Variants in HS6ST3 observed in about 807,000 individuals in gnomAD.
The protein encoded by HS6ST3 is heparan sulfate 6-O-sulfotransferase 3.
A neutral mutation model predicts 36.7 loss-of-function variants in HS6ST3; 12 were observed. That is an observed-to-expected ratio of 0.33 (90% CI 0.21 to 0.53). The LOEUF (loss-of-function observed/expected upper bound fraction) is 0.53. HS6ST3 is among the 20% of genes least tolerant of loss of function. The pLI is 0.95. For missense variants in HS6ST3, 584 were observed against 640.9 expected, an observed-to-expected ratio of 0.91 and a Z score of 0.96; for synonymous variants, 240 against 257.5, an observed-to-expected ratio of 0.93 and a Z score of 0.65.
intron 1 of HS6ST3, among the ~76,000 whole-genome samples, chr13:96,413,973 A>T (rs1333175335): frequency 3.9e-5 from 6 of 152,234 alleles, no homozygotes; most frequent in African/African-American, 1.2e-4. Flanking sequence ...TGTTAAACAC[A>T]AGCAACAAAG....
Position 96,315,125 on chromosome 13 carries a change from G to A in HS6ST3, c.707+223556G>A, listed in dbSNP as rs181443510. Among the ~76,000 whole-genome samples, 161 of 152,272 alleles carry A rather than the reference G, an allele frequency of 1.1e-3. 1 individual carries two copies. The highest frequency in any genetic ancestry group is 1.8e-3 in the Admixed American group (28 of 15,294). On this transcript the variant is annotated intron_variant, in intron 1 of 1. Coordinates refer to ENST00000376705, the MANE Select transcript of HS6ST3 (RefSeq NM_153456.4). ...TTTCTTCATGCTGAATATATCAGCT[G>A]TAGAGGAGAAAATCAGTGACTCATA...
intron 1 of HS6ST3, among the ~76,000 whole-genome samples, chr13:96,511,970 T>C (rs1823644816): frequency 6.6e-6 from 1 of 152,204 alleles, no homozygotes; most frequent in South Asian, 2.1e-4. Flanking sequence ...AGACTAATAT[T>C]TCTCAGTTGG....
intron 1 of HS6ST3, among the ~76,000 whole-genome samples, chr13:96,191,088 A>G (rs752623676): frequency 2.6e-5 from 4 of 152,108 alleles, no homozygotes; most frequent in African/African-American, 4.8e-5. Flanking sequence ...TCTTATGTCT[A>G]ATTAATCTGT....
At chr13:96,264,697 A>C (rs1469987612) in intron 1 of HS6ST3, among the ~76,000 whole-genome samples, 5 of 152,162 alleles carry the variant, frequency 3.3e-5, no homozygotes, top group Non-Finnish European at 7.3e-5. Context: ...CAGGGAAGTG[A>C]ACTCTGGGGA....
At chr13:96,737,631 C>CAAAAA (rs5805990) in intron 1 of HS6ST3, among the ~76,000 whole-genome samples, 2 of 65,756 alleles carry the variant, frequency 3.0e-5, no homozygotes, top group Non-Finnish European at 5.7e-5. Flanking sequence ...GACTCCGTCT[C>CAAAAA]AAAAAAAAAA....
At chr13:96,196,474 G>A (rs2054314463) in intron 1 of HS6ST3, among the ~76,000 whole-genome samples, 3 of 152,274 alleles carry the variant, frequency 2.0e-5, no homozygotes, top group Non-Finnish European at 4.4e-5. Context: ...CCCCACAACA[G>A]CCCTATACCG....
At chr13:96,129,067 C>T (rs2139310544) in intron 1 of HS6ST3, among the ~76,000 whole-genome samples, 1 of 152,210 alleles carries the variant, frequency 6.6e-6, no homozygotes, top group Non-Finnish European at 1.5e-5. Context: ...GCCTCATCTC[C>T]AACTCCTGAC....
intron 1 of HS6ST3, among the ~76,000 whole-genome samples, chr13:96,582,791 C>T (rs1396738440): frequency 6.6e-6 from 1 of 152,160 alleles, no homozygotes; most frequent in Non-Finnish European, 1.5e-5. Flanking sequence ...CCTCTATTTA[C>T]ATATGCATAT....
At chr13:96,328,708 G>T (rs1259025406) in intron 1 of HS6ST3, among the ~76,000 whole-genome samples, 1 of 152,116 alleles carries the variant, frequency 6.6e-6, no homozygotes, top group South Asian at 2.1e-4. Flanking sequence ...AATGAGTTAG[G>T]GAGGATTCCC....
chr13:96,318,138 G>C (rs1039228269), intron 1 of HS6ST3, among the ~76,000 whole-genome samples: 1 of 152,170 alleles, frequency 6.6e-6, no homozygotes, highest in Admixed American at 6.5e-5. Flanking sequence ...CTGATGTTAA[G>C]AAGGGTATTT....
intron 1 of HS6ST3, among the ~76,000 whole-genome samples, chr13:96,816,087 T>C (rs1878417212): frequency 6.6e-6 from 1 of 152,200 alleles, no homozygotes; most frequent in Non-Finnish European, 1.5e-5. Flanking sequence ...AGGCCTCACA[T>C]ATCCTGATGG....
chr13:96,515,061 T>C (rs1249776157), intron 1 of HS6ST3, among the ~76,000 whole-genome samples: 2 of 152,240 alleles, frequency 1.3e-5, no homozygotes, highest in African/African-American at 4.8e-5. Flanking sequence ...GATCTATCTC[T>C]ATGTGCACCT....
At chr13:96,382,858 A>G (rs1480164776) in intron 1 of HS6ST3, among the ~76,000 whole-genome samples, 1 of 152,196 alleles carries the variant, frequency 6.6e-6, no homozygotes, top group Non-Finnish European at 1.5e-5. Context: ...TCTAAGCCTA[A>G]CTTATAATTT....
chr13:96,460,171 A>G (rs1479797940), intron 1 of HS6ST3, among the ~76,000 whole-genome samples: 1 of 151,982 alleles, frequency 6.6e-6, no homozygotes, highest in Non-Finnish European at 1.5e-5. Context: ...GAATTGAACC[A>G]TTTTTCTATG....
chr13:96,105,512 A>G (rs1394400191), intron 1 of HS6ST3, among the ~76,000 whole-genome samples: 1 of 152,010 alleles, frequency 6.6e-6, no homozygotes, highest in Non-Finnish European at 1.5e-5. Context: ...TTATCCAGGC[A>G]TGGTGGTGGG....
In HS6ST3 at chr13:96,838,084, A is replaced by T. The variant is rs1458800943; in HGVS notation, c.*4886A>T. ...TCTATCTGAGGTCCTGTATAGTGGG[A>T]TCATTTAGAGATGGGGGTTAGGGAG... is the stretch of plus-strand genomic sequence containing the variant. On this transcript the variant is annotated 3_prime_UTR_variant, in exon 2 of 2. Coordinates refer to ENST00000376705, the MANE Select transcript of HS6ST3 (RefSeq NM_153456.4). 6.6e-6 allele frequency: 1 copy of T among 152,158 alleles called. No individual in the cohort carries two copies. The highest frequency in any genetic ancestry group is 2.4e-5 in the African/African-American group (1 of 41,442). The allele number at this position is 152,158 out of a possible 1,614,324, so 9.4% of individuals were successfully genotyped here.
chr13:96,725,587 A>G (rs1875982463), intron 1 of HS6ST3, among the ~76,000 whole-genome samples: 1 of 152,060 alleles, frequency 6.6e-6, no homozygotes, highest in Non-Finnish European at 1.5e-5. Flanking sequence ...TTACTTATTT[A>G]TGTAGTATTT....
intron 1 of HS6ST3, among the ~76,000 whole-genome samples, chr13:96,569,692 T>C (rs2138961113): frequency 6.6e-6 from 1 of 152,196 alleles, no homozygotes; most frequent in Middle Eastern, 3.4e-3. Flanking sequence ...AAAATAAACC[T>C]TAGAAATAGA....
chr13:96,117,938 C>T (rs1261897680), intron 1 of HS6ST3, among the ~76,000 whole-genome samples: 2 of 151,542 alleles, frequency 1.3e-5, no homozygotes, highest in African/African-American at 2.4e-5. Context: ...GGCCTGATCT[C>T]GGCTCACTGT....
Sources: gnomAD v4.1 joint callset for allele counts (sites outside exome capture counted in the v4.1 genomes callset) on GRCh38, gnomAD v4.1.1 for gene constraint, MANE v1.5 for transcripts, NCBI Gene and HGNC (gene_info 2026-07-23, HGNC 2026-07-21) for gene names.